NANOS1: variants seen among roughly 807,000 people sequenced by gnomAD.
NANOS1 encodes the protein nanos homolog 1.
Under a neutral mutation model 1.1 loss-of-function variants are expected in NANOS1, and 1 was observed. That is an observed-to-expected ratio of 0.88 (90% CI 0.31 to 4.20). The LOEUF (loss-of-function observed/expected upper bound fraction) is 4.20, where lower values mean the gene tolerates loss of function less well. Among genes scored for constraint, NANOS1 ranks in the 30% most tolerant of loss-of-function variants. The pLI is 0.17. For missense variants in NANOS1, 537 were observed against 457.9 expected (o/e 1.17, Z -1.58); for synonymous variants, 252 against 230.6 (o/e 1.09, Z -0.84).
At position 119,029,824 on chromosome 10, in the gene NANOS1, C is replaced by T. The variant is rs1848013022; in HGVS notation, c.23C>T (p.Pro8Leu). 3.4e-6 allele frequency: 4 copies of T among 1,165,908 alleles called. No homozygotes were observed. The highest frequency in any genetic ancestry group is 4.2e-6 in the Non-Finnish European group (4 of 950,220). The allele number at this position is 1,165,908 out of a possible 1,614,324, so 72.2% of individuals were successfully genotyped here. The change falls in exon 1 of 1, where the codon CCC becomes CTC. Residue 8 changes from proline to leucine, a missense_variant. Coordinates refer to ENST00000425699, the MANE Select transcript of NANOS1 (RefSeq NM_199461.4). Reference sequence around the variant, plus strand: ...CCCATGGAGGCTTTCCCCTGGGCGCCCCGCTCGCCCCGCCGCGGCCGCGCC... The same window carrying T: ...CCCATGGAGGCTTTCCCCTGGGCGCTCCGCTCGCCCCGCCGCGGCCGCGCC... MEAFPWAPRSPRRGRAPP... is the reference protein window; with the variant it reads MEAFPWALRSPRRGRAPP...
At position 119,031,507 on chromosome 10, in the gene NANOS1, G is replaced by T. The variant is rs1848049208; in HGVS notation, c.*827G>T. On this transcript the variant is annotated 3_prime_UTR_variant, in exon 1 of 1. Transcript: ENST00000425699. ...AAAATTGTGTATTTATACAGTAACA[G>T]TATGAATTCATTAATCTCACCTGTA... 1 of 167,040 alleles carries T rather than the reference G, an allele frequency of 6.0e-6. No homozygotes were observed. The allele number at this position is 167,040 out of a possible 1,614,324, so 10.3% of individuals were successfully genotyped here.
rs1293219980 is a variant in NANOS1, at chr10:119,032,521, A to T, written c.*1841A>T. ...TTAAATGAGCTTCACCTTCTGGGTG[A>T]AGTTTCTAAGGTCAACATGAATCCT... On this transcript the variant is annotated 3_prime_UTR_variant, in exon 1 of 1. Transcript: ENST00000425699. The T allele has an allele frequency of 6.0e-6, 1 of 167,112 alleles. No homozygotes were observed. Among genetic ancestry groups the T allele is most frequent in the African/African-American group, 2.4e-5 (1 of 41,454 alleles). The allele number at this position is 167,112 out of a possible 1,614,324, so 10.4% of individuals were successfully genotyped here. A position where few individuals can be genotyped will look rare whatever the true frequency, so the allele number is the denominator to read the frequency against.
rs115746118 is a variant in NANOS1, at chr10:119,030,548, T to C, written c.747T>C (p.Cys249=). Residue 249 remains cysteine, a synonymous_variant, in exon 1 of 1, where the codon TGT becomes TGC. Coordinates refer to ENST00000425699, the MANE Select transcript of NANOS1 (RefSeq NM_199461.4). The surrounding 1 kb of genome is among the most constrained non-coding windows in gnomAD (Gnocchi z 5.3). ...VLCPVLRRYT[C]PLCGASGDNA... The stretch of plus-strand genomic sequence containing the variant: ...GTCCCGTGCTGCGCCGCTACACGTG[T>C]CCCCTGTGCGGCGCCAGCGGCGACA... The C allele has an allele frequency of 1.5e-3, 2,231 of 1,528,668 alleles. 23 individuals are homozygous for C. In the African/African-American group the frequency reaches 0.027, roughly 19 times the overall value. The allele number at this position is 1,528,668 out of a possible 1,614,324, so 94.7% of individuals were successfully genotyped here. A position where few individuals can be genotyped will look rare whatever the true frequency, so the allele number is the denominator to read the frequency against.
rs1264488761 is a variant in NANOS1 at position 119,031,921 on chromosome 10, A to ACTAAAC, written c.*1244_*1249dup. 1 of 167,076 alleles carries ACTAAAC rather than the reference A, an allele frequency of 6.0e-6. No homozygotes were observed. The highest frequency in any genetic ancestry group is 1.5e-5 in the Non-Finnish European group (1 of 68,128). The allele number at this position is 167,076 out of a possible 1,614,324, so 10.3% of individuals were successfully genotyped here. On this transcript the variant is annotated 3_prime_UTR_variant, in exon 1 of 1. Transcript: ENST00000425699. The stretch of plus-strand genomic sequence containing the variant: ...CCCCACCAGTTTACCCATAAGCAAG[A>ACTAAAC]CTAAACCTGATCCTTGGGCAAAAGT...
In NANOS1 at chr10:119,032,235, C is replaced by T. The variant is rs930680367; in HGVS notation, c.*1555C>T. 1 of 166,634 alleles carries T rather than the reference C, an allele frequency of 6.0e-6. No individual in the cohort carries two copies. Among genetic ancestry groups the T allele is most frequent in the South Asian group, 2.1e-4 (1 of 4,780 alleles). 10.3% of individuals were successfully genotyped at this position (166,634 alleles called of 1,614,324 possible). Reference sequence around the variant, plus strand: ...CACAGCAAATTGACTCAATCAGGAACCTTCATTTGAAGGTGTGTTAGAGGA... The same window carrying T: ...CACAGCAAATTGACTCAATCAGGAATCTTCATTTGAAGGTGTGTTAGAGGA... On this transcript the variant is annotated 3_prime_UTR_variant, in exon 1 of 1. Coordinates refer to ENST00000425699, the MANE Select transcript of NANOS1 (RefSeq NM_199461.4).
rs1848079486 is a variant in NANOS1, at chr10:119,033,286, A to G, written c.*2606A>G. 1.2e-5 allele frequency: 2 copies of G among 167,136 alleles called. No individual in the cohort carries two copies. The highest frequency in any genetic ancestry group is 6.5e-5 in the Admixed American group (1 of 15,296). 10.4% of individuals were successfully genotyped at this position (167,136 alleles called of 1,614,324 possible). A position where few individuals can be genotyped will look rare whatever the true frequency, so the allele number is the denominator to read the frequency against. On this transcript the variant is annotated 3_prime_UTR_variant, in exon 1 of 1. Transcript: ENST00000425699. ...ATGAATACTGGGAGTTAAAACGCAG[A>G]GTATTACTATAGTTAATTTTCTAGG... is the stretch of plus-strand genomic sequence containing the variant.
In NANOS1 at chr10:119,031,499, C is replaced by T. The variant is rs1385755994; in HGVS notation, c.*819C>T. 1.2e-5 allele frequency: 2 copies of T among 167,068 alleles called. No individual in the cohort carries two copies. The highest frequency in any genetic ancestry group is 2.9e-5 in the Non-Finnish European group (2 of 68,118). 10.3% of individuals were successfully genotyped at this position (167,068 alleles called of 1,614,324 possible). On this transcript the variant is annotated 3_prime_UTR_variant, in exon 1 of 1. Transcript: ENST00000425699. ...TGTTTAAAAAAATTGTGTATTTATACAGTAACAGTATGAATTCATTAATCT... is the reference window on the plus strand; with the variant it reads ...TGTTTAAAAAAATTGTGTATTTATATAGTAACAGTATGAATTCATTAATCT...
chr10:119,030,008 G>A lies in NANOS1; in HGVS notation c.207G>A (p.Gly69=). 2 of 1,407,898 alleles carry A rather than the reference G, an allele frequency of 1.4e-6. No individual in the cohort carries two copies. The highest frequency in any genetic ancestry group is 1.9e-6 in the Non-Finnish European group (2 of 1,080,704). 87.2% of individuals were successfully genotyped at this position (1,407,898 alleles called of 1,614,324 possible). ...CGCGCTTCGGCTGCGCCCGCGGTGGGAACGGCGGCGGCGGCTCCCCGCCCT... is the reference window on the plus strand; with the variant it reads ...CGCGCTTCGGCTGCGCCCGCGGTGGAAACGGCGGCGGCGGCTCCCCGCCCT... ...GEPRFGCARG[G]NGGGGSPPSS... The change falls in exon 1 of 1, where the codon GGG becomes GGA. Residue 69 remains glycine (G), a synonymous_variant. Transcript: ENST00000425699. The surrounding 1 kb of genome is among the most constrained non-coding windows in gnomAD (Gnocchi z 5.3).
In NANOS1 at chr10:119,030,640, G is replaced by A; in HGVS notation, c.839G>A (p.Arg280His). 7.0e-7 allele frequency: 1 copy of A among 1,431,930 alleles called. No individual in the cohort carries two copies. Among genetic ancestry groups the A allele is most frequent in the South Asian group, 1.5e-5 (1 of 64,930 alleles). 88.7% of individuals were successfully genotyped at this position (1,431,930 alleles called of 1,614,324 possible). ...CCGCCGCCCGCCCGCCCGCCGCCCC[G>A]CAGCGCCAGGGACGGCCCGCCTGGC... ...VPPPPARPPP[R>H]SARDGPPGKK... Residue 280 changes from arginine (R) to histidine (H), a missense_variant, in exon 1 of 1, where the codon CGC becomes CAC. Coordinates refer to ENST00000425699, the MANE Select transcript of NANOS1 (RefSeq NM_199461.4). The surrounding 1 kb of genome is among the most constrained non-coding windows in gnomAD (Gnocchi z 5.3).
In NANOS1 at chr10:119,030,345, C is replaced by T; in HGVS notation, c.544C>T (p.Arg182Cys). The change falls in exon 1 of 1, where the codon CGC becomes TGC. Residue 182 changes from arginine (R) to cysteine (C), a missense_variant. Arg to Cys is a radical substitution (Grantham distance 180). Coordinates refer to ENST00000425699, the MANE Select transcript of NANOS1 (RefSeq NM_199461.4). The surrounding 1 kb of genome is among the most constrained non-coding windows in gnomAD (Gnocchi z 5.3). ...CACCACCACCAGCGAGGCGACGCCG[C>T]GCGAGGAGCGGGCCCCGGCGTGGGC... ...AATTTSEATP[R>C]EERAPAWAAE... 2 of 1,131,588 alleles carry T rather than the reference C, an allele frequency of 1.8e-6. No homozygotes were observed. Among genetic ancestry groups the T allele is most frequent in the Non-Finnish European group, 2.2e-6 (2 of 925,992 alleles). The allele number at this position is 1,131,588 out of a possible 1,614,324, so 70.1% of individuals were successfully genotyped here.
chr10:119,029,820 GCGCCCCGCT>G lies in NANOS1; in HGVS notation c.28_36del (p.Ser10_Arg12del), dbSNP rs1032684350. 4.5e-4 allele frequency: 520 copies of G among 1,155,122 alleles called. 3 individuals carry two copies. In the African/African-American group the frequency reaches 6.0e-3, roughly 13 times the overall value. 71.6% of individuals were successfully genotyped at this position (1,155,122 alleles called of 1,614,324 possible). A position where few individuals can be genotyped will look rare whatever the true frequency, so the allele number is the denominator to read the frequency against. ...CCCGCCCATGGAGGCTTTCCCCTGG[GCGCCCCGCT>G]CGCCCCGCCGCGGCCGCGCCCCCCC... On this transcript the variant is annotated inframe_deletion, in exon 1 of 1. Coordinates refer to ENST00000425699, the MANE Select transcript of NANOS1 (RefSeq NM_199461.4).
Position 119,032,869 on chromosome 10 carries a change from TCC to T in NANOS1, c.*2190_*2191del, listed in dbSNP as rs1203021195. 1 of 167,090 alleles carries T rather than the reference TCC, an allele frequency of 6.0e-6. No homozygotes were observed. Among genetic ancestry groups the T allele is most frequent in the African/African-American group, 2.4e-5 (1 of 41,452 alleles). 10.4% of individuals were successfully genotyped at this position (167,090 alleles called of 1,614,324 possible). On this transcript the variant is annotated 3_prime_UTR_variant, in exon 1 of 1. Transcript: ENST00000425699. ...TGGAAAAGGAATCCAGAAGACCCTC[TCC>T]ACTACTCAGGCAGCCACTATTCATC...
chr10:119,030,836 G>A lies in NANOS1; in HGVS notation c.*156G>A. 1 of 1,047,060 alleles carries A rather than the reference G, an allele frequency of 9.6e-7. No homozygotes were observed. The highest frequency in any genetic ancestry group is 1.2e-6 in the Non-Finnish European group (1 of 812,744). The allele number at this position is 1,047,060 out of a possible 1,614,324, so 64.9% of individuals were successfully genotyped here. On this transcript the variant is annotated 3_prime_UTR_variant, in exon 1 of 1. Transcript: ENST00000425699. The surrounding 1 kb of genome is among the most constrained non-coding windows in gnomAD (Gnocchi z 5.3). ...TTTTTGAAAAGCAGCCGACCGTGTG[G>A]AGTACTTCCGTGCTGAACGATTGGG...
Position 119,029,975 on chromosome 10 carries a change from C to A in NANOS1, c.174C>A (p.Asp58Glu). The change falls in exon 1 of 1, where the codon GAC becomes GAA. Residue 58 changes from aspartate (D) to glutamate (E), a missense_variant. Coordinates refer to ENST00000425699, the MANE Select transcript of NANOS1 (RefSeq NM_199461.4). ...GLATLITKAVDGEPRFGCARG... is the reference protein window; with the variant it reads ...GLATLITKAVEGEPRFGCARG... The stretch of plus-strand genomic sequence containing the variant: ...CCACGCTCATCACCAAAGCGGTGGA[C>A]GGCGAGCCGCGCTTCGGCTGCGCCC... The A allele has an allele frequency of 7.1e-7, 1 of 1,411,594 alleles. No homozygotes were observed. Among genetic ancestry groups the A allele is most frequent in the Non-Finnish European group, 9.2e-7 (1 of 1,083,460 alleles). The allele number at this position is 1,411,594 out of a possible 1,614,324, so 87.4% of individuals were successfully genotyped here.
chr10:119,030,669 A>C lies in NANOS1; in HGVS notation c.868A>C (p.Lys290Gln). The change falls in exon 1 of 1, where the codon AAG becomes CAG. Residue 290 changes from lysine (K) to glutamine (Q), a missense_variant. Lys to Gln is a moderately conservative substitution (Grantham distance 53, BLOSUM62 1). Transcript: ENST00000425699. This position sits in a 1 kb window ranked among gnomAD's most constrained non-coding sequence, Gnocchi z 5.3. ...RSARDGPPGK[K>Q]LR ...CGCCAGGGACGGCCCGCCTGGCAAG[A>C]AGCTGCGCTGAAGGCCCGGGCTCCC... 7.4e-7 allele frequency: 1 copy of C among 1,346,158 alleles called. No individual in the cohort carries two copies. The highest frequency in any genetic ancestry group is 2.2e-5 in the South Asian group (1 of 46,296). The allele number at this position is 1,346,158 out of a possible 1,614,324, so 83.4% of individuals were successfully genotyped here.
Position 119,030,132 on chromosome 10 carries a change from G to A in NANOS1, c.331G>A (p.Asp111Asn). 7.4e-7 allele frequency: 1 copy of A among 1,344,950 alleles called. No individual in the cohort carries two copies. Among genetic ancestry groups the A allele is most frequent in the Admixed American group, 3.6e-5 (1 of 27,862 alleles). The allele number at this position is 1,344,950 out of a possible 1,614,324, so 83.3% of individuals were successfully genotyped here. A position where few individuals can be genotyped will look rare whatever the true frequency, so the allele number is the denominator to read the frequency against. Residue 111 changes from aspartate (D) to asparagine (N), a missense_variant, in exon 1 of 1, where the codon GAC becomes AAC. Physicochemically the swap from Asp to Asn is conservative, Grantham distance 23 (BLOSUM62 1). Transcript: ENST00000425699. The surrounding 1 kb of genome is among the most constrained non-coding windows in gnomAD (Gnocchi z 5.3). ...GCCCGACTACGACGAGGACGACGAC[G>A]ACGACAGCGACGAGCCGGGGTCCCG... Reference protein sequence around the residue: ...GPPDYDEDDDDDSDEPGSRGR... With the variant: ...GPPDYDEDDDNDSDEPGSRGR...
chr10:119,030,779 G>A lies in NANOS1; in HGVS notation c.*99G>A, dbSNP rs531457734. 5 of 1,234,454 alleles carry A rather than the reference G, an allele frequency of 4.1e-6. No homozygotes were observed. In the East Asian group the frequency reaches 1.7e-4, roughly 43 times the overall value. 76.5% of individuals were successfully genotyped at this position (1,234,454 alleles called of 1,614,324 possible). ...GCCGTGGGGAGGCGTGCGGCTCAGC[G>A]GTCGGCTCGACATGGGACGTCGTCC... is the stretch of plus-strand genomic sequence containing the variant. On this transcript the variant is annotated 3_prime_UTR_variant, in exon 1 of 1. Coordinates refer to ENST00000425699, the MANE Select transcript of NANOS1 (RefSeq NM_199461.4). This position sits in a 1 kb window ranked among gnomAD's most constrained non-coding sequence, Gnocchi z 5.3.
Position 119,029,785 on chromosome 10 carries a change from C to CG in NANOS1, c.-15dup, listed in dbSNP as rs1210499033. 1 of 999,056 alleles carries CG rather than the reference C, an allele frequency of 1.0e-6. No individual in the cohort carries two copies. The highest frequency in any genetic ancestry group is 1.2e-6 in the Non-Finnish European group (1 of 840,370). The allele number at this position is 999,056 out of a possible 1,614,324, so 61.9% of individuals were successfully genotyped here. On this transcript the variant is annotated 5_prime_UTR_variant, in exon 1 of 1. Coordinates refer to ENST00000425699, the MANE Select transcript of NANOS1 (RefSeq NM_199461.4). ...GCGCCGGCGGCGGGGAGGCGGCGCG[C>CG]GGCCCGCAGCCCGCCCATGGAGGCT... is the stretch of plus-strand genomic sequence containing the variant.
chr10:119,030,786 T>A lies in NANOS1; in HGVS notation c.*106T>A. On this transcript the variant is annotated 3_prime_UTR_variant, in exon 1 of 1. Coordinates refer to ENST00000425699, the MANE Select transcript of NANOS1 (RefSeq NM_199461.4). The surrounding 1 kb of genome is among the most constrained non-coding windows in gnomAD (Gnocchi z 5.3). ...GGAGGCGTGCGGCTCAGCGGTCGGC[T>A]CGACATGGGACGTCGTCCTGGTGGT... 1 of 1,228,800 alleles carries A rather than the reference T, an allele frequency of 8.1e-7. No individual in the cohort carries two copies. Among genetic ancestry groups the A allele is most frequent in the Non-Finnish European group, 1.0e-6 (1 of 977,480 alleles). The allele number at this position is 1,228,800 out of a possible 1,614,324, so 76.1% of individuals were successfully genotyped here. A position where few individuals can be genotyped will look rare whatever the true frequency, so the allele number is the denominator to read the frequency against.
Sources: gnomAD v4.1 joint callset for allele counts on GRCh38, gnomAD v4.1.1 for gene constraint, Gnocchi (gnomAD v3.1) non-coding constraint, MANE v1.5 for transcripts, NCBI Gene and HGNC (gene_info 2026-07-23, HGNC 2026-07-21) for gene names.